The following WWOX variants were observed in gnomAD, a reference collection of about 807,000 sequenced individuals.
WWOX encodes the protein WW domain containing oxidoreductase.
In WWOX, 69 loss-of-function variants were observed where a neutral mutation model predicts 46.2. The observed-to-expected ratio is 1.49, with a 90% CI of 1.23 to 1.82. The LOEUF (loss-of-function observed/expected upper bound fraction) is 1.82, where lower values mean the gene tolerates loss of function less well. Among genes scored for constraint, WWOX ranks in the 40% most tolerant of loss-of-function variants. The pLI is 0.00. For synonymous variants in WWOX, 359 were observed against 202.6 expected, an observed-to-expected ratio of 1.77 and a Z score of -6.56; for missense variants, 919 against 542.6, an observed-to-expected ratio of 1.69 and a Z score of -6.89.
intron 8 of WWOX, chr16:78,890,429 A>G (rs980364508): frequency 1.3e-5 from 2 of 151,252 alleles, no homozygotes; most frequent in African/African-American, 4.9e-5. Flanking sequence ...CTCCCACCCT[A>G]TCTGGGCCTT....
At chr16:78,639,099 C>T (rs1216578662) in intron 8 of WWOX, among the ~76,000 whole-genome samples, 1 of 152,198 alleles carries the variant, frequency 6.6e-6, no homozygotes, top group South Asian at 2.1e-4. Context: ...GACCAGTCTC[C>T]TGTCCCATAC....
intron 8 of WWOX, among the ~76,000 whole-genome samples, chr16:78,960,722 G>C (rs535590541): frequency 1.3e-5 from 2 of 152,310 alleles, no homozygotes; most frequent in Non-Finnish European, 2.9e-5. Flanking sequence ...CTTTCCAGTA[G>C]AGGTACACAG....
chr16:78,871,989 A>C (rs2066206916), intron 8 of WWOX, among the ~76,000 whole-genome samples: 2 of 152,204 alleles, frequency 1.3e-5, no homozygotes, highest in South Asian at 4.1e-4. Flanking sequence ...AGACCCTCTC[A>C]GATGCCACTC....
At chr16:78,993,361 C>T (rs2046925891) in intron 8 of WWOX, among the ~76,000 whole-genome samples, 1 of 152,082 alleles carries the variant, frequency 6.6e-6, no homozygotes, top group Non-Finnish European at 1.5e-5. Context: ...TACAATAAAA[C>T]CTTTAAGTGC....
At chr16:78,507,550 G>A (rs2085241856) in intron 8 of WWOX, among the ~76,000 whole-genome samples, 1 of 152,202 alleles carries the variant, frequency 6.6e-6, no homozygotes, top group African/African-American at 2.4e-5. Context: ...CCCACTGCAT[G>A]TCCTATTAGG....
chr16:79,111,476 A>G (rs932879672), intron 8 of WWOX, among the ~76,000 whole-genome samples: 12 of 152,214 alleles, frequency 7.9e-5, no homozygotes, highest in African/African-American at 2.9e-4. Flanking sequence ...CCTAACTGAA[A>G]TCAAGCACTC....
At chr16:78,817,085 C>A (rs865845750) in intron 8 of WWOX, among the ~76,000 whole-genome samples, 1 of 151,616 alleles carries the variant, frequency 6.6e-6, no homozygotes, top group Non-Finnish European at 1.5e-5. Context: ...CTTCCCCTAA[C>A]CCTCTGTAAT....
chr16:79,008,898 C>T (rs1014932739), intron 8 of WWOX, among the ~76,000 whole-genome samples: 1 of 152,230 alleles, frequency 6.6e-6, no homozygotes, highest in African/African-American at 2.4e-5. Flanking sequence ...GCAGCGCACA[C>T]ACACAAAGGC....
intron 3 of WWOX, among the ~76,000 whole-genome samples, chr16:78,110,538 A>T (rs1205981215): frequency 6.6e-6 from 1 of 152,190 alleles, no homozygotes; most frequent in Non-Finnish European, 1.5e-5. Flanking sequence ...TTAATGCTAA[A>T]TTCCTGTTAT....
intron 8 of WWOX, among the ~76,000 whole-genome samples, chr16:78,528,295 T>C (rs2043532241): frequency 6.7e-6 from 1 of 149,626 alleles, no homozygotes; most frequent in African/African-American, 2.5e-5. Flanking sequence ...ATTACAGACA[T>C]GAGCCACCAC....
At chr16:78,116,211 C>T (rs1405927671) in intron 4 of WWOX, among the ~76,000 whole-genome samples, 3 of 151,732 alleles carry the variant, frequency 2.0e-5, no homozygotes, top group East Asian at 3.9e-4. Context: ...TAACTATAAT[C>T]AACTTGTTGT....
intron 8 of WWOX, among the ~76,000 whole-genome samples, chr16:79,114,537 C>T (rs2049476124): frequency 6.6e-6 from 1 of 151,920 alleles, no homozygotes; most frequent in South Asian, 2.1e-4. Context: ...CATTGCCATC[C>T]ACCACCAGGA....
chr16:78,314,700 TGTTTTTTTTTTTTTTTTTTTTC>T (rs1446942741), intron 5 of WWOX, among the ~76,000 whole-genome samples: 9 of 69,930 alleles, frequency 1.3e-4, no homozygotes, highest in Admixed American at 2.9e-4. Flanking sequence ...TTTTTTTTTT[TGTTTTTTTTTTTTTTTTTTTTC>T]TGTATTTTCA....
chr16:78,313,644 G>C (rs1162126275), intron 5 of WWOX, among the ~76,000 whole-genome samples: 1 of 152,200 alleles, frequency 6.6e-6, no homozygotes, highest in African/African-American at 2.4e-5. Flanking sequence ...GGGATTACGG[G>C]CATGAGCCAC....
chr16:78,475,732 A>AT (rs1331480001), intron 8 of WWOX, among the ~76,000 whole-genome samples: 1 of 152,102 alleles, frequency 6.6e-6, no homozygotes, highest in Non-Finnish European at 1.5e-5. Flanking sequence ...AGTAGCTGGG[A>AT]TTACAGGCAT....
chr16:79,011,380 G>C (rs532580783), intron 8 of WWOX, among the ~76,000 whole-genome samples: 2 of 151,874 alleles, frequency 1.3e-5, no homozygotes, highest in Admixed American at 1.3e-4. Context: ...TGGAACTTCT[G>C]TTGGTGTTCG....
intron 8 of WWOX, among the ~76,000 whole-genome samples, chr16:78,730,548 C>G (rs567042594): frequency 1.3e-4 from 20 of 151,784 alleles, no homozygotes; most frequent in African/African-American, 4.6e-4. Context: ...ACCGCCTGGT[C>G]TCAAATGATC....
chr16:78,352,623 G>T (rs9929326), intron 5 of WWOX, among the ~76,000 whole-genome samples: 1 of 152,026 alleles, frequency 6.6e-6, no homozygotes, highest in African/African-American at 2.4e-5. Context: ...TAATCTGCCT[G>T]TTTGAAGGTC....
chr16:78,819,599 G>T (rs74031959), intron 8 of WWOX, among the ~76,000 whole-genome samples: 22,520 of 152,248 alleles, frequency 0.15, 1,815 homozygotes, highest in Non-Finnish European at 0.18. Context: ...GCCCTGTTTT[G>T]CAAGGAGCAG....
Sources: gnomAD v4.1 joint callset for allele counts (sites outside exome capture counted in the v4.1 genomes callset) on GRCh38, gnomAD v4.1.1 for gene constraint, MANE v1.5 for transcripts, NCBI Gene and HGNC (gene_info 2026-07-23, HGNC 2026-07-21) for gene names.